The following SMIM35 variants were observed in gnomAD, a reference collection of about 807,000 sequenced individuals.
SMIM35 encodes small integral membrane protein 35, also known as TMPRSS4 antisense RNA 1 (non-protein coding).
intron 1 of SMIM35, among the ~76,000 whole-genome samples, chr11:118,022,374 C>A (rs887954101): frequency 3.9e-4 from 60 of 152,194 alleles, no homozygotes; most frequent in African/African-American, 1.4e-3. Flanking sequence ...GTAAGTAAAT[C>A]TCAATAAATT....
chr11:118,077,254 C>T (rs1162087428), intron 1 of SMIM35: 2 of 1,588,324 alleles, frequency 1.3e-6, no homozygotes, highest in East Asian at 2.3e-5. Flanking sequence ...CTTGGGGTGA[C>T]AATCTCAGCT....
chr11:118,043,906 T>C (rs1357841699), intron 1 of SMIM35, among the ~76,000 whole-genome samples: 1 of 151,670 alleles, frequency 6.6e-6, no homozygotes, highest in Non-Finnish European at 1.5e-5. Context: ...GGGTTTTTTT[T>C]TTAGGCGATG....
intron 1 of SMIM35, among the ~76,000 whole-genome samples, chr11:118,069,211 G>T (rs1437286058): frequency 6.6e-6 from 1 of 152,210 alleles, no homozygotes; most frequent in East Asian, 1.9e-4. Context: ...TCATCTGTAA[G>T]ATGGGAACAT....
intron 1 of SMIM35, among the ~76,000 whole-genome samples, chr11:118,051,825 G>GATACTAATACTAATACTA (rs57139857): frequency 0.017 from 2,532 of 149,504 alleles, 37 homozygotes; most frequent in African/African-American, 0.023. Flanking sequence ...AGTTTAGGTT[G>GATACTAATACTAATACTA]ATACTAATAC....
chr11:118,049,563 G>C (rs893209350), intron 1 of SMIM35, among the ~76,000 whole-genome samples: 1 of 151,818 alleles, frequency 6.6e-6, no homozygotes, highest in Admixed American at 6.6e-5. Context: ...TGGCCAGGCT[G>C]GTCTCGAACT....
At chr11:118,048,012 C>T (rs1281464281) in intron 1 of SMIM35, among the ~76,000 whole-genome samples, 1 of 152,176 alleles carries the variant, frequency 6.6e-6, no homozygotes, top group African/African-American at 2.4e-5. Flanking sequence ...CTGCATGCCT[C>T]CCCATCACTG....
chr11:118,063,111 A>T (rs1565396079), intron 1 of SMIM35, among the ~76,000 whole-genome samples: 1 of 152,250 alleles, frequency 6.6e-6, no homozygotes, highest in Non-Finnish European at 1.5e-5. Context: ...CCCCTTGTTT[A>T]GCATATCATC....
intron 1 of SMIM35, among the ~76,000 whole-genome samples, chr11:118,070,365 C>T (rs548275962): frequency 3.9e-5 from 6 of 152,198 alleles, no homozygotes; most frequent in Non-Finnish European, 7.4e-5. Context: ...TTAGTAGAGA[C>T]GGGGTTTCAC....
Position 118,063,681 on chromosome 11 carries a change from G to A in SMIM35, c.7+23070C>T, listed in dbSNP as rs563106065. On this transcript the variant is annotated intron_variant, in intron 1 of 4. Coordinates refer to ENST00000689828, the MANE Select transcript of SMIM35 (RefSeq NM_001394165.1). ...CCCCTAAACTTAGGGGAGGGGAGAG[G>A]GGCTGGAGGGTAAGTTGATCACCAA... is the stretch of plus-strand genomic sequence containing the variant. Among the ~76,000 whole-genome samples, 4 of 152,228 alleles carry A rather than the reference G, an allele frequency of 2.6e-5. No individual in the cohort carries two copies. The South Asian group carries it at 8.3e-4, about 32-fold the overall frequency.
At chr11:118,027,930 A>G (rs1380156312) in intron 1 of SMIM35, among the ~76,000 whole-genome samples, 1 of 152,210 alleles carries the variant, frequency 6.6e-6, no homozygotes, top group Non-Finnish European at 1.5e-5. Flanking sequence ...ATCCGTAACC[A>G]TGTAGTCAAA....
chr11:118,077,325 C>A (rs1261420100), intron 1 of SMIM35: 1 of 1,594,014 alleles, frequency 6.3e-7, no homozygotes, highest in Admixed American at 1.7e-5. Context: ...GGGCCCTCTG[C>A]TCCCAAGACA....
intron 1 of SMIM35, among the ~76,000 whole-genome samples, chr11:118,037,824 C>T (rs182387450): frequency 2.0e-5 from 3 of 152,318 alleles, no homozygotes; most frequent in Admixed American, 1.3e-4. Context: ...AGAATGGGTA[C>T]TCTTTCATTG....
chr11:118,034,138 A>G (rs1445228791), intron 1 of SMIM35, among the ~76,000 whole-genome samples: 3 of 151,870 alleles, frequency 2.0e-5, no homozygotes, highest in African/African-American at 7.3e-5. Context: ...GCATGATGAC[A>G]AGCACCTGTA....
chr11:118,019,706 T>G (rs1478444038), intron 1 of SMIM35, among the ~76,000 whole-genome samples: 2 of 152,122 alleles, frequency 1.3e-5, no homozygotes, highest in South Asian at 4.1e-4. Flanking sequence ...TTTCTAGAAG[T>G]TTTAACGTTT....
chr11:118,037,195 C>A (rs1474127693), intron 1 of SMIM35, among the ~76,000 whole-genome samples: 1 of 152,116 alleles, frequency 6.6e-6, no homozygotes, highest in East Asian at 1.9e-4. Context: ...GGTGTAGTAG[C>A]GGTTGTGCAG....
chr11:118,033,881 A>G (rs947181206), intron 1 of SMIM35, among the ~76,000 whole-genome samples: 1 of 152,240 alleles, frequency 6.6e-6, no homozygotes, highest in East Asian at 1.9e-4. Context: ...CAATGTGTCC[A>G]TGAGCAAGAT....
At chr11:118,076,367 A>G (rs974860113) in intron 1 of SMIM35, among the ~76,000 whole-genome samples, 1 of 152,126 alleles carries the variant, frequency 6.6e-6, no homozygotes, top group Non-Finnish European at 1.5e-5. Flanking sequence ...GAATTGCTTG[A>G]ACCTAGGAGG....
chr11:118,011,326 CG>C (rs1334834394), intron 4 of SMIM35, among the ~76,000 whole-genome samples: 2 of 152,178 alleles, frequency 1.3e-5, no homozygotes, highest in African/African-American at 4.8e-5. Context: ...TGAGCACTTC[CG>C]GGGGCCTAGG....
At chr11:118,019,041 C>T (rs1454471750) in intron 1 of SMIM35, among the ~76,000 whole-genome samples, 1 of 152,048 alleles carries the variant, frequency 6.6e-6, no homozygotes, top group African/African-American at 2.4e-5. Flanking sequence ...AAGTAAATAC[C>T]CTCCCAAATT....
Sources: gnomAD v4.1 joint callset for allele counts (sites outside exome capture counted in the v4.1 genomes callset) on GRCh38, gnomAD v4.1.1 for gene constraint, MANE v1.5 for transcripts, NCBI Gene and HGNC (gene_info 2026-07-23, HGNC 2026-07-21) for gene names.